BAIAP2: variants seen among roughly 807,000 people sequenced by gnomAD.
BAIAP2 encodes the protein BAR/IMD domain-containing adapter protein 2.
BAIAP2 carries 18 observed loss-of-function variants against 63.0 expected under a neutral mutation model. That is an observed-to-expected ratio of 0.29 (90% CI 0.20 to 0.42). The LOEUF (loss-of-function observed/expected upper bound fraction) is 0.42. BAIAP2 is among the 10% of genes least tolerant of loss of function. The probability of loss-of-function intolerance (pLI) is 1.00; values close to 1 mark genes in which losing one functional copy is unlikely to be tolerated. For missense variants in BAIAP2, 610 were observed against 734.3 expected (o/e 0.83, Z 1.96); for synonymous variants, 386 against 307.6 (o/e 1.25, Z -2.67).
chr17:81,047,486 C>T (rs2047987887), intron 1 of BAIAP2, among the ~76,000 whole-genome samples: 1 of 152,250 alleles, frequency 6.6e-6, no homozygotes, highest in African/African-American at 2.4e-5. Context: ...ACATGTAGCA[C>T]ACACACAGGT....
At position 81,116,013 on chromosome 17, in the gene BAIAP2, C is replaced by T. The variant is rs2060509348; in HGVS notation, c.*174C>T. The T allele has an allele frequency of 4.8e-6, 7 of 1,461,938 alleles. No homozygotes were observed. Among genetic ancestry groups the T allele is most frequent in the East Asian group, 2.5e-5 (1 of 40,254 alleles). The allele number at this position is 1,461,938 out of a possible 1,614,324, so 90.6% of individuals were successfully genotyped here. On this transcript the variant is annotated 3_prime_UTR_variant, in exon 14 of 14. Coordinates refer to ENST00000428708, the MANE Select transcript of BAIAP2 (RefSeq NM_001144888.2). ...CCCAGCTGTTCTAGGCAGGGCCGGG[C>T]AGAGTGGGGCGCAGGCCCCTGAAGG...
At chr17:81,072,762 C>G (rs981924828) in intron 3 of BAIAP2, among the ~76,000 whole-genome samples, 1 of 151,964 alleles carries the variant, frequency 6.6e-6, no homozygotes, top group African/African-American at 2.4e-5. Context: ...GCCCAGCGTC[C>G]TCTGCTTGGA....
At position 81,116,242 on chromosome 17, in the gene BAIAP2, C is replaced by T. The variant is rs200622503; in HGVS notation, c.*403C>T. The T allele has an allele frequency of 7.9e-5, 127 of 1,612,772 alleles. No homozygotes were observed. In the East Asian group the frequency reaches 1.7e-3, roughly 21 times the overall value. On this transcript the variant is annotated 3_prime_UTR_variant, in exon 14 of 14. Coordinates refer to ENST00000428708, the MANE Select transcript of BAIAP2 (RefSeq NM_001144888.2). ...TCTCCTGCACCAGGTGTGATCTGTC[C>T]GCCCAAGGGCCAGAAGGCCGGGAGC...
chr17:81,113,686 G>C (rs1329527819), intron 13 of BAIAP2, among the ~76,000 whole-genome samples: 1 of 151,132 alleles, frequency 6.6e-6, no homozygotes, highest in Non-Finnish European at 1.5e-5. Context: ...AGGGTCCTCA[G>C]AGCCACCCAG....
Position 81,115,860 on chromosome 17 carries a change from C to T in BAIAP2, c.*21C>T, listed in dbSNP as rs2060497132. The T allele has an allele frequency of 1.2e-6, 2 of 1,612,856 alleles. No homozygotes were observed. The highest frequency in any genetic ancestry group is 1.7e-6 in the Non-Finnish European group (2 of 1,179,876). On this transcript the variant is annotated 3_prime_UTR_variant, in exon 14 of 14. Transcript: ENST00000428708. ...GCTGATGGCCACATCTGCAGTGCTG[C>T]CCATCTGGTGGCTTCCCCCGCCCTT...
chr17:81,099,839 C>T, intron 6 of BAIAP2, 89 bp from the exon 7 acceptor site: 1 of 1,458,470 alleles, frequency 6.9e-7, no homozygotes, highest in Non-Finnish European at 9.4e-7. Flanking sequence ...GAGACGTGTC[C>T]TTTGACTGAG....
chr17:81,061,297 A>T (rs1352669454), intron 3 of BAIAP2, among the ~76,000 whole-genome samples: 1 of 152,240 alleles, frequency 6.6e-6, no homozygotes, highest in African/African-American at 2.4e-5. Context: ...ACGGTGTATT[A>T]TGATGACTGT....
chr17:81,095,248 A>T (rs1020959416), intron 6 of BAIAP2, among the ~76,000 whole-genome samples: 3 of 152,126 alleles, frequency 2.0e-5, no homozygotes, highest in African/African-American at 7.2e-5. Context: ...GGGCCGTTGT[A>T]AATGGCCGGG....
At chr17:81,055,786 C>T (rs897629008) in intron 2 of BAIAP2, among the ~76,000 whole-genome samples, 6 of 151,800 alleles carry the variant, frequency 4.0e-5, no homozygotes, top group Non-Finnish European at 8.8e-5. Flanking sequence ...AGGATGGTCT[C>T]GATCTCCTGA....
intron 1 of BAIAP2, among the ~76,000 whole-genome samples, chr17:81,040,616 C>A (rs955253195): frequency 1.3e-5 from 2 of 152,282 alleles, no homozygotes; most frequent in Non-Finnish European, 2.9e-5. Flanking sequence ...TGGGAATGAA[C>A]ACATCTTGTT....
chr17:81,108,954 G>A lies in BAIAP2; in HGVS notation c.1535+445G>A, dbSNP rs771063961. The A allele has an allele frequency of 1.4e-4, 224 of 1,547,382 alleles. 1 individual carries two copies. Among genetic ancestry groups the A allele is most frequent in the Non-Finnish European group, 2.0e-5 (23 of 1,146,182 alleles). ...TCGTGCAGCCAGGCAGCCGTCCTGT[G>A]CTTTGTTTCACAGTGGCAGCGGCAC... is the stretch of plus-strand genomic sequence containing the variant. On this transcript the variant is annotated intron_variant, in intron 13 of 13. Coordinates refer to ENST00000428708, the MANE Select transcript of BAIAP2 (RefSeq NM_001144888.2).
chr17:81,035,269 C>T lies in BAIAP2; in HGVS notation c.15C>T (p.Arg5=), dbSNP rs2046045476. The change falls in exon 1 of 14, where the codon CGC becomes CGT. Residue 5 remains arginine, a synonymous_variant. Transcript: ENST00000428708. MSLS[R]SEEMHRLTEN... is the part of the protein sequence containing the mutation. The stretch of plus-strand genomic sequence containing the variant: ...GACCCAGGACCATGTCTCTGTCTCG[C>T]TCAGAGGAGATGCACCGGCTCACGG... The T allele has an allele frequency of 6.6e-7, 1 of 1,522,254 alleles. No homozygotes were observed. The highest frequency in any genetic ancestry group is 8.8e-7 in the Non-Finnish European group (1 of 1,131,834). The allele number at this position is 1,522,254 out of a possible 1,614,324, so 94.3% of individuals were successfully genotyped here.
intron 13 of BAIAP2, chr17:81,110,015 G>A: frequency 2.0e-6 from 2 of 985,476 alleles, no homozygotes; most frequent in Non-Finnish European, 1.2e-6. Flanking sequence ...GTGTCTTGGT[G>A]ACTTTAGAAA....
chr17:81,054,738 TC>T (rs890073561), intron 2 of BAIAP2, among the ~76,000 whole-genome samples: 14 of 152,096 alleles, frequency 9.2e-5, no homozygotes, highest in African/African-American at 3.4e-4. Context: ...ATTCCATTCT[TC>T]CCACTGTCTC....
chr17:81,094,812 G>A (rs980453175), intron 6 of BAIAP2, among the ~76,000 whole-genome samples: 15 of 152,222 alleles, frequency 9.9e-5, no homozygotes, highest in African/African-American at 1.4e-4. Context: ...TGACCGGTCC[G>A]CAGCCGCATC....
chr17:81,048,964 G>A (rs1490071625), intron 1 of BAIAP2, among the ~76,000 whole-genome samples: 1 of 152,196 alleles, frequency 6.6e-6, no homozygotes, highest in Non-Finnish European at 1.5e-5. Flanking sequence ...GGGCCGGACC[G>A]CCTTCATGGG....
In BAIAP2 at chr17:81,116,122, T is replaced by TG; in HGVS notation, c.*286dup. ...CTCTGGTCACATGGCCATGGAGCCT[T>TG]GGGTACCCCTGAGTTAAGGGAGGAC... On this transcript the variant is annotated 3_prime_UTR_variant, in exon 14 of 14. Coordinates refer to ENST00000428708, the MANE Select transcript of BAIAP2 (RefSeq NM_001144888.2). 6.4e-7 allele frequency: 1 copy of TG among 1,572,926 alleles called. No individual in the cohort carries two copies. The highest frequency in any genetic ancestry group is 2.3e-5 in the East Asian group (1 of 44,378).
intron 10 of BAIAP2, chr17:81,105,763 G>A (rs981349534): frequency 7.6e-5 from 22 of 289,806 alleles, no homozygotes; most frequent in Admixed American, 6.0e-4. Context: ...GGTGCCATCC[G>A]TGGCTTAGCG....
At chr17:81,041,158 CTGCCTGG>C (rs1188807022) in intron 1 of BAIAP2, among the ~76,000 whole-genome samples, 1 of 152,270 alleles carries the variant, frequency 6.6e-6, no homozygotes, top group Non-Finnish European at 1.5e-5. Flanking sequence ...TTGGAAAATG[CTGCCTGG>C]TCCTTGGGCT....
Sources: allele counts gnomAD v4.1 joint callset (sites outside exome capture counted in the v4.1 genomes callset), GRCh38; gene constraint gnomAD v4.1.1; transcripts MANE v1.5; gene names NCBI Gene and HGNC (gene_info 2026-07-23, HGNC 2026-07-21).